The following CLSTN1 variants were observed in gnomAD, a reference collection of about 807,000 sequenced individuals.
CLSTN1 encodes calsyntenin 1, also known as calsyntenin-1.
CLSTN1 carries 28 observed loss-of-function variants against 108.3 expected under a neutral mutation model. The observed-to-expected ratio is 0.26, with a 90% CI of 0.19 to 0.35. CLSTN1 has a LOEUF of 0.35. CLSTN1 is among the 10% of genes least tolerant of loss of function. The pLI is 1.00. For missense variants in CLSTN1, 1,157 were observed against 1,302.6 expected (o/e 0.89, Z 1.72); for synonymous variants, 524 against 534.9 (o/e 0.98, Z 0.28).
At chr1:9,816,240 G>C (rs953547653) in intron 1 of CLSTN1, among the ~76,000 whole-genome samples, 20 of 152,112 alleles carry the variant, frequency 1.3e-4, no homozygotes, top group African/African-American at 4.6e-4. Flanking sequence ...ATCATATTAA[G>C]CAAAAGAAGC....
At chr1:9,741,406 A>C in intron 9 of CLSTN1, 150 bp from the exon 10 acceptor site, 1 of 759,476 alleles carries the variant, frequency 1.3e-6, no homozygotes, top group Non-Finnish European at 2.1e-6. Flanking sequence ...AATACATCTC[A>C]CCAAAAGAAG....
chr1:9,779,855 C>CTTT (rs770514487), intron 1 of CLSTN1, among the ~76,000 whole-genome samples: 2 of 146,620 alleles, frequency 1.4e-5, no homozygotes. Context: ...CTTTCACTTT[C>CTTT]TTTTTTTTTT....
chr1:9,823,322 A>G lies in CLSTN1; in HGVS notation c.91+321T>C, dbSNP rs2101369276. On this transcript the variant is annotated intron_variant, in intron 1 of 18. Coordinates refer to ENST00000377298, the MANE Select transcript of CLSTN1 (RefSeq NM_001009566.3). This position sits in a 1 kb window ranked among gnomAD's most constrained non-coding sequence, Gnocchi z 6.3. Reference sequence around the variant, plus strand: ...CACGTTCCCCCAAATCAGCGCAGCCACCACCATGGGCTGCAGTGGGGGCAG... The same window carrying G: ...CACGTTCCCCCAAATCAGCGCAGCCGCCACCATGGGCTGCAGTGGGGGCAG... Among the ~76,000 whole-genome samples the G allele has an allele frequency of 6.6e-6, 1 of 152,234 alleles. No individual in the cohort carries two copies. The highest frequency in any genetic ancestry group is 2.4e-5 in the African/African-American group (1 of 41,556).
Position 9,733,389 on chromosome 1 carries a change from C to A in CLSTN1, c.2427+12G>T. ...TGCTATTGGCCCTGCTCAGTGGGAGCCTTGTACTCACCTCCACCTTAAATT... is the reference window on the plus strand; with the variant it reads ...TGCTATTGGCCCTGCTCAGTGGGAGACTTGTACTCACCTCCACCTTAAATT... On this transcript the variant is annotated intron_variant, in intron 16 of 18. Coordinates refer to ENST00000377298, the MANE Select transcript of CLSTN1 (RefSeq NM_001009566.3). The A allele has an allele frequency of 6.2e-7, 1 of 1,614,158 alleles. No individual in the cohort carries two copies. Among genetic ancestry groups the A allele is most frequent in the Non-Finnish European group, 8.5e-7 (1 of 1,180,026 alleles).
At chr1:9,753,537 G>A (rs559500566) in intron 4 of CLSTN1, among the ~76,000 whole-genome samples, 2 of 151,630 alleles carry the variant, frequency 1.3e-5, no homozygotes, top group Non-Finnish European at 2.9e-5. Flanking sequence ...TTTTGCCCAG[G>A]CTGGAGTGCA....
chr1:9,813,976 C>A (rs1426810375), intron 1 of CLSTN1, among the ~76,000 whole-genome samples: 1 of 151,894 alleles, frequency 6.6e-6, no homozygotes. Context: ...GTGGCAGGCA[C>A]CTGTAGTTCC....
chr1:9,768,566 C>T (rs1329767501), intron 2 of CLSTN1, among the ~76,000 whole-genome samples: 4 of 89,890 alleles, frequency 4.4e-5, no homozygotes, highest in Admixed American at 1.3e-4. Context: ...TGGGTGGCAC[C>T]ATGGGGGCGG....
At chr1:9,778,701 G>C (rs1292373855) in intron 1 of CLSTN1, among the ~76,000 whole-genome samples, 1 of 152,120 alleles carries the variant, frequency 6.6e-6, no homozygotes, top group Non-Finnish European at 1.5e-5. Flanking sequence ...AGGCTGCTCT[G>C]AAACAAGAGA....
intron 13 of CLSTN1, 102 bp downstream of exon 13, chr1:9,735,365 A>G: frequency 6.6e-7 from 1 of 1,517,192 alleles, no homozygotes; most frequent in Non-Finnish European, 9.1e-7. Context: ...GTTACACACG[A>G]TGGCTCACCT....
chr1:9,735,940 G>A lies in CLSTN1; in HGVS notation c.1679C>T (p.Thr560Ile). 1 of 1,614,192 alleles carries A rather than the reference G, an allele frequency of 6.2e-7. No individual in the cohort carries two copies. Among genetic ancestry groups the A allele is most frequent in the Non-Finnish European group, 8.5e-7 (1 of 1,180,042 alleles). Residue 560 changes from threonine to isoleucine, a missense_variant, in exon 12 of 19, where the codon ACC becomes ATC. Thr to Ile is a moderately conservative substitution (Grantham distance 89). Transcript: ENST00000377298. The part of the protein sequence containing the change: ...ADKKVIDCLY[T>I]CKEGLDLQVL... ...CTGCAGGTCCAGCCCCTCCTTGCAG[G>A]TATACAGACAGTCGATCACCTTCTT...
chr1:9,809,350 T>C (rs1324030289), intron 1 of CLSTN1, among the ~76,000 whole-genome samples: 1 of 152,120 alleles, frequency 6.6e-6, no homozygotes, highest in Non-Finnish European at 1.5e-5. Flanking sequence ...CCTGAATAAT[T>C]CACTCCTTCA....
chr1:9,821,134 T>G (rs1415155164), intron 1 of CLSTN1, among the ~76,000 whole-genome samples: 5 of 152,220 alleles, frequency 3.3e-5, no homozygotes, highest in Non-Finnish European at 7.3e-5. Context: ...ATATTTTGGC[T>G]TACTGAATTT....
intron 4 of CLSTN1, among the ~76,000 whole-genome samples, chr1:9,752,070 C>T (rs999472761): frequency 1.3e-5 from 2 of 151,012 alleles, no homozygotes; most frequent in African/African-American, 4.9e-5. Flanking sequence ...TATTTTGTAG[C>T]AAAATCCAGA....
chr1:9,791,256 G>A (rs2101226438), intron 1 of CLSTN1, among the ~76,000 whole-genome samples: 1 of 151,518 alleles, frequency 6.6e-6, no homozygotes, highest in East Asian at 2.0e-4. Context: ...AAAGTGGCAG[G>A]ACTTCCTAAA....
chr1:9,813,269 G>A (rs149141504), intron 1 of CLSTN1, among the ~76,000 whole-genome samples: 2 of 152,074 alleles, frequency 1.3e-5, no homozygotes, highest in African/African-American at 2.4e-5. Flanking sequence ...AGGCTGAGGC[G>A]GGTGAACTGC....
At position 9,729,023 on chromosome 1, in the gene CLSTN1, G is replaced by GTT. The variant is rs1557685067; in HGVS notation, c.*1484_*1485insAA. The stretch of plus-strand genomic sequence containing the variant: ...GAGAAGACAAACCCCGCTCCGGCTG[G>GTT]AGTTAGTTAGAACCAGAACTTTATT... On this transcript the variant is annotated 3_prime_UTR_variant, in exon 19 of 19. Coordinates refer to ENST00000377298, the MANE Select transcript of CLSTN1 (RefSeq NM_001009566.3). 6.6e-6 allele frequency: 1 copy of GTT among 152,242 alleles called. No homozygotes were observed. The highest frequency in any genetic ancestry group is 2.4e-5 in the African/African-American group (1 of 41,460). The allele number at this position is 152,242 out of a possible 1,614,324, so 9.4% of individuals were successfully genotyped here.
intron 5 of CLSTN1, among the ~76,000 whole-genome samples, chr1:9,750,852 A>G (rs1309890721): frequency 6.6e-6 from 1 of 152,046 alleles, no homozygotes; most frequent in Non-Finnish European, 1.5e-5. Flanking sequence ...GGAGTTCAAG[A>G]CCAGTCTGGC....
chr1:9,785,222 G>A (rs920043099), intron 1 of CLSTN1, among the ~76,000 whole-genome samples: 3 of 152,004 alleles, frequency 2.0e-5, no homozygotes, highest in African/African-American at 4.8e-5. Context: ...TGGCCAGTCT[G>A]GTCTCAAACT....
chr1:9,741,014 G>T, intron 10 of CLSTN1, 80 bp downstream of exon 10: 2 of 1,453,890 alleles, frequency 1.4e-6, no homozygotes, highest in East Asian at 2.3e-5. Flanking sequence ...GTAGGATACC[G>T]ATCACAGCCT....
Sources: allele counts gnomAD v4.1 joint callset (sites outside exome capture counted in the v4.1 genomes callset), GRCh38; gene constraint gnomAD v4.1.1; non-coding constraint Gnocchi (gnomAD v3.1); transcripts MANE v1.5; gene names NCBI Gene and HGNC (gene_info 2026-07-23, HGNC 2026-07-21).